Variants in ALK observed in about 807,000 individuals in gnomAD.
ALK encodes ALK tyrosine kinase receptor.
Under a neutral mutation model 163.1 loss-of-function variants are expected in ALK, and 74 were observed. That is an observed-to-expected ratio of 0.45 (90% CI 0.38 to 0.55). The LOEUF is 0.55. Among genes scored for constraint, ALK ranks in the 20% least tolerant of loss-of-function variants. The probability of loss-of-function intolerance (pLI) is 0.00; values close to 1 mark genes in which losing one functional copy is unlikely to be tolerated. For synonymous variants in ALK, 960 were observed against 843.2 expected (o/e 1.14, Z -2.40); for missense variants, 2,063 against 2,105.3 (o/e 0.98, Z 0.39).
chr2:29,766,704 G>T (rs1301249336), intron 1 of ALK, among the ~76,000 whole-genome samples: 1 of 152,180 alleles, frequency 6.6e-6, no homozygotes, highest in Non-Finnish European at 1.5e-5. Flanking sequence ...CTAGTATCAG[G>T]CCTGGAGCAA....
intron 3 of ALK, among the ~76,000 whole-genome samples, chr2:29,583,044 T>TTTTTTG (rs1282196379): frequency 1.3e-5 from 2 of 149,658 alleles, no homozygotes; most frequent in African/African-American, 2.5e-5. Context: ...TGTTTTTTGT[T>TTTTTTG]TTTTTGTTTT....
chr2:29,770,842 G>A (rs116225148), intron 1 of ALK, among the ~76,000 whole-genome samples: 1 of 151,960 alleles, frequency 6.6e-6, no homozygotes, highest in African/African-American at 2.4e-5. Flanking sequence ...AACACGCACA[G>A]ACACACAGTC....
intron 4 of ALK, among the ~76,000 whole-genome samples, chr2:29,389,118 C>G (rs1669101806): frequency 6.6e-6 from 1 of 152,204 alleles, no homozygotes; most frequent in Non-Finnish European, 1.5e-5. Flanking sequence ...TTGTTGCACA[C>G]TAGCTAAAGT....
At chr2:29,862,815 C>A (rs1157608948) in intron 1 of ALK, among the ~76,000 whole-genome samples, 2 of 130,922 alleles carry the variant, frequency 1.5e-5, no homozygotes, top group Non-Finnish European at 3.5e-5. Context: ...ATAGCCAAAG[C>A]AATCTTGAGA....
chr2:29,406,909 A>AT (rs1669599135), intron 4 of ALK, among the ~76,000 whole-genome samples: 2 of 151,370 alleles, frequency 1.3e-5, no homozygotes, highest in African/African-American at 2.4e-5. Flanking sequence ...AAAAAAAAAA[A>AT]AAAAAGTTAC....
chr2:29,816,495 G>C (rs1385642500), intron 1 of ALK, among the ~76,000 whole-genome samples: 6 of 152,002 alleles, frequency 3.9e-5, no homozygotes, highest in African/African-American at 1.5e-4. Flanking sequence ...CAGCAGGCAG[G>C]GGATGAAGGA....
chr2:29,716,206 T>C (rs1315927672), intron 2 of ALK, among the ~76,000 whole-genome samples: 1 of 152,216 alleles, frequency 6.6e-6, no homozygotes, highest in East Asian at 1.9e-4. Flanking sequence ...AAATACTTAA[T>C]TGAATCAGGC....
At chr2:29,518,706 C>T (rs1404569900) in intron 4 of ALK, among the ~76,000 whole-genome samples, 1 of 152,106 alleles carries the variant, frequency 6.6e-6, no homozygotes, top group African/African-American at 2.4e-5. Flanking sequence ...GTAGAAGAGA[C>T]TAAAATCACT....
intron 1 of ALK, among the ~76,000 whole-genome samples, chr2:29,882,854 G>A (rs1225581009): frequency 4.6e-5 from 7 of 152,200 alleles, no homozygotes; most frequent in Non-Finnish European, 7.3e-5. Flanking sequence ...TTAGTGATGT[G>A]TATCCCAAAT....
chr2:29,522,270 T>C (rs780128328), intron 4 of ALK, among the ~76,000 whole-genome samples: 2 of 152,154 alleles, frequency 1.3e-5, no homozygotes, highest in Non-Finnish European at 1.5e-5. Flanking sequence ...ACTGTAAAAG[T>C]AGTAGTGCTA....
chr2:29,735,947 A>C (rs1011068654), intron 1 of ALK, among the ~76,000 whole-genome samples: 1 of 152,052 alleles, frequency 6.6e-6, no homozygotes, highest in Non-Finnish European at 1.5e-5. Context: ...ACACTTACAA[A>C]AACCTTGTAA....
intron 9 of ALK, among the ~76,000 whole-genome samples, chr2:29,282,432 T>C (rs1458006206): frequency 6.6e-6 from 1 of 152,208 alleles, no homozygotes; most frequent in Non-Finnish European, 1.5e-5. Flanking sequence ...GGGACCATCC[T>C]TGGCCATGTC....
intron 3 of ALK, among the ~76,000 whole-genome samples, chr2:29,624,720 C>T (rs755784147): frequency 8.5e-5 from 13 of 152,182 alleles, no homozygotes; most frequent in East Asian, 1.9e-4. Flanking sequence ...TAAACCTGCA[C>T]GTACTGCGCA....
intron 1 of ALK, 62 bp downstream of exon 1, chr2:29,919,931 G>A (rs1667942100): frequency 1.9e-6 from 3 of 1,572,194 alleles, no homozygotes; most frequent in Non-Finnish European, 1.7e-6. Context: ...ATTATTTAAT[G>A]GTTGCATATC....
intron 1 of ALK, among the ~76,000 whole-genome samples, chr2:29,767,148 T>C (rs907875926): frequency 2.0e-5 from 3 of 152,226 alleles, no homozygotes; most frequent in African/African-American, 7.2e-5. Context: ...AGTTTACATA[T>C]AATTTTTACT....
chr2:29,826,395 A>G (rs570490753), intron 1 of ALK, among the ~76,000 whole-genome samples: 1 of 152,016 alleles, frequency 6.6e-6, no homozygotes, highest in Non-Finnish European at 1.5e-5. Flanking sequence ...AAATTCTCCA[A>G]TGAGAATCAT....
intron 1 of ALK, among the ~76,000 whole-genome samples, chr2:29,876,158 T>A (rs1184905681): frequency 6.6e-6 from 1 of 152,234 alleles, no homozygotes; most frequent in Non-Finnish European, 1.5e-5. Context: ...AGTTTTCTCA[T>A]ACATAAAATG....
chr2:29,501,165 T>C (rs1427882280), intron 4 of ALK, among the ~76,000 whole-genome samples: 1 of 152,206 alleles, frequency 6.6e-6, no homozygotes, highest in Non-Finnish European at 1.5e-5. Context: ...AGAACATCTC[T>C]TCAGTCCCTC....
intron 4 of ALK, among the ~76,000 whole-genome samples, chr2:29,529,359 T>C (rs1673054731): frequency 6.6e-6 from 1 of 152,204 alleles, no homozygotes; most frequent in Non-Finnish European, 1.5e-5. Flanking sequence ...GCCAGCCCCA[T>C]TCGTAATCAT....
Sources: allele counts gnomAD v4.1 joint callset (sites outside exome capture counted in the v4.1 genomes callset), GRCh38; gene constraint gnomAD v4.1.1; transcripts MANE v1.5; gene names NCBI Gene and HGNC (gene_info 2026-07-23, HGNC 2026-07-21).